Variants in SOX6 observed in about 807,000 individuals in gnomAD.
SOX6 encodes the protein transcription factor SOX-6.
SOX6 carries 11 observed loss-of-function variants against 97.8 expected under a neutral mutation model. The observed-to-expected ratio is 0.11, with a 90% CI of 0.07 to 0.19. SOX6 has a LOEUF of 0.19. Among genes scored for constraint, SOX6 ranks in the 10% least tolerant of loss-of-function variants. SOX6 has a pLI of 1.00. For synonymous variants in SOX6, 360 were observed against 371.4 expected (o/e 0.97, Z 0.35); for missense variants, 810 against 1,039.5 (o/e 0.78, Z 3.04).
intron 4 of SOX6, among the ~76,000 whole-genome samples, chr11:16,581,259 T>C (rs1012546691): frequency 4.6e-5 from 7 of 152,086 alleles, no homozygotes; most frequent in Admixed American, 3.3e-4. Flanking sequence ...TGGAATACTA[T>C]GCAGCCATAA....
chr11:16,568,450 C>A (rs1365535740), intron 4 of SOX6, among the ~76,000 whole-genome samples: 3 of 152,116 alleles, frequency 2.0e-5, no homozygotes, highest in Non-Finnish European at 2.9e-5. Flanking sequence ...TGAGGATTAA[C>A]TGCTTAGTAG....
At chr11:16,239,544 T>C (rs1380924463) in intron 3 of SOX6, among the ~76,000 whole-genome samples, 1 of 152,096 alleles carries the variant, frequency 6.6e-6, no homozygotes, top group African/African-American at 2.4e-5. Flanking sequence ...ATGAGTTATA[T>C]TACTGATCTT....
intron 9 of SOX6, among the ~76,000 whole-genome samples, chr11:16,063,499 TATATATATATATA>T (rs1848010656): frequency 3.5e-4 from 4 of 11,356 alleles, no homozygotes; most frequent in Non-Finnish European, 6.4e-4. Context: ...CATAATTTTA[TATATATATATATA>T]TATATATATA....
intron 9 of SOX6, among the ~76,000 whole-genome samples, chr11:16,092,794 C>T (rs1313842748): frequency 6.6e-6 from 1 of 151,418 alleles, no homozygotes. Flanking sequence ...AATTAAGGGT[C>T]TATCATATTG....
chr11:16,416,609 T>C (rs1180022759), intron 1 of SOX6, among the ~76,000 whole-genome samples: 1 of 152,194 alleles, frequency 6.6e-6, no homozygotes, highest in African/African-American at 2.4e-5. Context: ...AATTTGGACT[T>C]TAAGCATCCA....
At chr11:16,274,697 C>T (rs978466065) in intron 3 of SOX6, among the ~76,000 whole-genome samples, 6 of 152,046 alleles carry the variant, frequency 3.9e-5, no homozygotes, top group African/African-American at 1.4e-4. Context: ...CATCATGCTG[C>T]CCAAAAATGA....
At chr11:16,504,576 A>AG in intron 4 of SOX6, among the ~76,000 whole-genome samples, 1 of 152,102 alleles carries the variant, frequency 6.6e-6, no homozygotes, top group East Asian at 1.9e-4. Flanking sequence ...GGAAAAAAAA[A>AG]TGAAGAGGAC....
At chr11:16,332,151 C>T (rs1856323991) in intron 2 of SOX6, among the ~76,000 whole-genome samples, 1 of 152,070 alleles carries the variant, frequency 6.6e-6, no homozygotes, top group African/African-American at 2.4e-5. Flanking sequence ...TTAGTAGAAG[C>T]ATACCAGGTA....
At chr11:16,430,977 C>T (rs1434574802) in intron 1 of SOX6, among the ~76,000 whole-genome samples, 1 of 152,190 alleles carries the variant, frequency 6.6e-6, no homozygotes, top group Admixed American at 6.5e-5. Flanking sequence ...TCATTGATCA[C>T]ATCACACAGC....
intron 3 of SOX6, among the ~76,000 whole-genome samples, chr11:16,270,619 T>G (rs1369025808): frequency 6.8e-6 from 1 of 145,988 alleles, no homozygotes; most frequent in Non-Finnish European, 1.5e-5. Flanking sequence ...AATAGATGAA[T>G]GAACAAACAA....
chr11:16,110,918 A>T (rs1313812097), intron 7 of SOX6, among the ~76,000 whole-genome samples: 2 of 152,238 alleles, frequency 1.3e-5, no homozygotes, highest in African/African-American at 4.8e-5. Flanking sequence ...GATTTGTTGT[A>T]CTCAGATTTG....
At chr11:16,643,521 A>G (rs1015357287) in intron 3 of SOX6, among the ~76,000 whole-genome samples, 1 of 152,184 alleles carries the variant, frequency 6.6e-6, no homozygotes, top group Non-Finnish European at 1.5e-5. Context: ...GGTGGAGTCT[A>G]CAGAGGCAGG....
intron 12 of SOX6, among the ~76,000 whole-genome samples, chr11:16,030,137 T>C (rs1457036043): frequency 1.3e-5 from 2 of 152,188 alleles, no homozygotes; most frequent in Non-Finnish European, 2.9e-5. Flanking sequence ...TGTTCTCTAA[T>C]TGGCAATGTG....
At chr11:16,570,664 A>C (rs1847928991) in intron 4 of SOX6, among the ~76,000 whole-genome samples, 1 of 152,232 alleles carries the variant, frequency 6.6e-6, no homozygotes, top group Non-Finnish European at 1.5e-5. Context: ...ATGGTTTTCA[A>C]AACTGTTCAA....
intron 7 of SOX6, among the ~76,000 whole-genome samples, chr11:16,102,146 A>C (rs189475605): frequency 6.6e-6 from 1 of 151,974 alleles, no homozygotes; most frequent in African/African-American, 2.4e-5. Flanking sequence ...GACTAATCCA[A>C]AAAGCTCCTA....
rs559180453 is a variant in SOX6 at position 15,972,839 on chromosome 11, A to G, written c.2457T>C (p.Asn819=). The G allele has an allele frequency of 1.9e-5, 31 of 1,614,212 alleles. No individual in the cohort carries two copies. The East Asian group carries it at 6.0e-4, about 31-fold the overall frequency. The change falls in exon 16 of 16, where the codon AAT becomes AAC. Residue 819 remains asparagine (N), a synonymous_variant. Transcript: ENST00000683767. ...DDPKSDYSSE[N]EAPEAVSAN is the part of the protein sequence containing the mutation. ...TGGCACTGACAGCCTCCGGGGCTTC[A>G]TTTTCACTGCTATAGTCTGATTTGG... is the stretch of plus-strand genomic sequence containing the variant.
chr11:16,041,978 A>T (rs2133900726), intron 12 of SOX6, among the ~76,000 whole-genome samples: 1 of 152,306 alleles, frequency 6.6e-6, no homozygotes, highest in East Asian at 1.9e-4. Context: ...CAGATTTGAC[A>T]AGCTGCCTGC....
At chr11:16,270,524 T>C (rs1398057068) in intron 3 of SOX6, among the ~76,000 whole-genome samples, 1 of 151,254 alleles carries the variant, frequency 6.6e-6, no homozygotes, top group Non-Finnish European at 1.5e-5. Flanking sequence ...AATGAAAATA[T>C]GAATTCAGAT....
At chr11:16,703,503 A>G (rs1483558314) in intron 3 of SOX6, among the ~76,000 whole-genome samples, 1 of 152,188 alleles carries the variant, frequency 6.6e-6, no homozygotes, top group Non-Finnish European at 1.5e-5. Flanking sequence ...TCTTTAAATT[A>G]CAAAGACAGT....
Sources: gnomAD v4.1 joint callset for allele counts (sites outside exome capture counted in the v4.1 genomes callset) on GRCh38, gnomAD v4.1.1 for gene constraint, MANE v1.5 for transcripts, NCBI Gene and HGNC (gene_info 2026-07-23, HGNC 2026-07-21) for gene names.